Variants in ZNF541 observed in about 807,000 individuals in gnomAD.
The protein encoded by ZNF541 is zinc finger protein 541.
In ZNF541, 23 loss-of-function variants were observed where a neutral mutation model predicts 123.5. The observed-to-expected ratio is 0.19, with a 90% CI of 0.13 to 0.26. The LOEUF is 0.26. ZNF541 is among the 10% of genes least tolerant of loss of function. ZNF541 has a pLI of 1.00. For synonymous variants in ZNF541, 751 were observed against 754.5 expected (o/e 1.00, Z 0.08); for missense variants, 1,612 against 1,789.9 (o/e 0.90, Z 1.79).
At chr19:47,530,796 G>A (rs1053538294) in intron 12 of ZNF541, among the ~76,000 whole-genome samples, 5 of 151,822 alleles carry the variant, frequency 3.3e-5, no homozygotes, top group African/African-American at 7.3e-5. Flanking sequence ...GATTACAGGC[G>A]CCCACCACCA....
chr19:47,556,899 A>G (rs1169318733), intron 2 of ZNF541, among the ~76,000 whole-genome samples: 3 of 151,726 alleles, frequency 2.0e-5, no homozygotes, highest in African/African-American at 4.8e-5. Flanking sequence ...CTGGGACTAC[A>G]GGTGCACGCC....
chr19:47,521,091 T>A lies in ZNF541; in HGVS notation c.*133A>T, dbSNP rs1969001440. The A allele has an allele frequency of 8.6e-7, 1 of 1,159,262 alleles. No homozygotes were observed. The highest frequency in any genetic ancestry group is 1.2e-6 in the Non-Finnish European group (1 of 839,454). The allele number at this position is 1,159,262 out of a possible 1,614,324, so 71.8% of individuals were successfully genotyped here. A position where few individuals can be genotyped will look rare whatever the true frequency, so the allele number is the denominator to read the frequency against. Reference sequence around the variant, plus strand: ...CCTATCTGTGGCCAAATGCCCTCCATGTTTGCAGGCAGGTTGGCCAACAGG... The same window carrying A: ...CCTATCTGTGGCCAAATGCCCTCCAAGTTTGCAGGCAGGTTGGCCAACAGG... On this transcript the variant is annotated 3_prime_UTR_variant, in exon 17 of 17. Transcript: ENST00000391901. The surrounding 1 kb of genome is among the most constrained non-coding windows in gnomAD (Gnocchi z 4.2).
chr19:47,529,499 G>T, intron 13 of ZNF541, 78 bp downstream of exon 13: 7 of 1,427,742 alleles, frequency 4.9e-6, no homozygotes, highest in Non-Finnish European at 6.7e-6. Context: ...GGAGGCAGGG[G>T]CAGAGCTTGC....
chr19:47,524,722 AAAAG>A (rs1969205134), intron 14 of ZNF541, among the ~76,000 whole-genome samples: 1 of 151,762 alleles, frequency 6.6e-6, no homozygotes, highest in African/African-American at 2.4e-5. Flanking sequence ...AAAAAAAAAA[AAAAG>A]AGTTATACCA....
At position 47,533,359 on chromosome 19, in the gene ZNF541, CAAAAAAAAAAAAAAAAAAAA is replaced by C. The variant is rs57243927; in HGVS notation, c.3095-407_3095-388del. ...TGGGCGACAGAGCGAGACTCCATCT[CAAAAAAAAAAAAAAAAAAAA>C]AAAAAAAAAAAAAAAAATCCCATGG... On this transcript the variant is annotated intron_variant, in intron 9 of 16. Coordinates refer to ENST00000391901, the MANE Select transcript of ZNF541 (RefSeq NM_001277075.3). Among the ~76,000 whole-genome samples the C allele has an allele frequency of 9.1e-4, 17 of 18,756 alleles. No individual in the cohort carries two copies. In the South Asian group the frequency reaches 0.052, roughly 57 times the overall value. The allele number at this position is 18,756 out of a possible 152,430, so 12.3% of individuals were successfully genotyped here. A position where few individuals can be genotyped will look rare whatever the true frequency, so the allele number is the denominator to read the frequency against.
chr19:47,533,053 A>C, intron 9 of ZNF541, 81 bp from the exon 10 acceptor site: 1 of 1,344,156 alleles, frequency 7.4e-7, no homozygotes, highest in Non-Finnish European at 1.0e-6. Flanking sequence ...GTGTGGACGC[A>C]GCTGAAAGCA....
chr19:47,568,674 A>AT (rs1217488028), intron 2 of ZNF541, among the ~76,000 whole-genome samples: 2 of 150,452 alleles, frequency 1.3e-5, no homozygotes, highest in South Asian at 2.1e-4. Flanking sequence ...TCCTACTCCA[A>AT]TTTTTTTTGT....
In ZNF541 at chr19:47,538,469, C is replaced by T. The variant is rs1368373326; in HGVS notation, c.2797-30G>A. 2.1e-6 allele frequency: 3 copies of T among 1,461,954 alleles called. No individual in the cohort carries two copies. The African/African-American group carries it at 4.3e-5, about 21-fold the overall frequency. 90.6% of individuals were successfully genotyped at this position (1,461,954 alleles called of 1,614,324 possible). On this transcript the variant is annotated intron_variant, in intron 8 of 16. Transcript: ENST00000391901. Reference sequence around the variant, plus strand: ...AGAAGTTTAGAACCACAGGTGGTCGCCTGAAGCCACCTACTGCACCACTCC... The same window carrying T: ...AGAAGTTTAGAACCACAGGTGGTCGTCTGAAGCCACCTACTGCACCACTCC...
At chr19:47,543,104 C>T (rs528061725) in intron 5 of ZNF541, among the ~76,000 whole-genome samples, 3 of 152,004 alleles carry the variant, frequency 2.0e-5, no homozygotes, top group Non-Finnish European at 4.4e-5. Flanking sequence ...GCGAGACCCC[C>T]TCCATCTCTA....
At chr19:47,550,249 CAAAGAA>C (rs1185125249) in intron 3 of ZNF541, among the ~76,000 whole-genome samples, 4 of 138,756 alleles carry the variant, frequency 2.9e-5, no homozygotes, top group Non-Finnish European at 6.1e-5. Flanking sequence ...GGGACTCTGT[CAAAGAA>C]AAAGAAAAAG....
chr19:47,524,706 T>TAAA (rs1159585510), intron 14 of ZNF541, among the ~76,000 whole-genome samples: 5 of 96,740 alleles, frequency 5.2e-5, no homozygotes, highest in Non-Finnish European at 6.4e-5. Context: ...AGACTCTGTC[T>TAAA]AAAAAAAAAA....
chr19:47,568,080 A>C (rs552813397), intron 2 of ZNF541, among the ~76,000 whole-genome samples: 13 of 152,258 alleles, frequency 8.5e-5, no homozygotes, highest in South Asian at 6.2e-4. Flanking sequence ...CTTGCCTAGC[A>C]CAGAACTTTG....
In ZNF541 at chr19:47,545,777, G is replaced by A; in HGVS notation, c.752C>T (p.Pro251Leu). The A allele has an allele frequency of 6.5e-7, 1 of 1,540,568 alleles. No individual in the cohort carries two copies. The highest frequency in any genetic ancestry group is 1.4e-5 in the African/African-American group (1 of 72,966). The change falls in exon 5 of 17, where the codon CCC becomes CTC. Residue 251 changes from proline to leucine, a missense_variant. Physicochemically the swap from Pro to Leu is moderately conservative, Grantham distance 98 (BLOSUM62 -3). Transcript: ENST00000391901. The surrounding 1 kb of genome is among the most constrained non-coding windows in gnomAD (Gnocchi z 7.5). ...GGGCACCAGGGACCGCAGGCTGCTG[G>A]GGGGCGGCTGGCCGGCCGACTCGTG... Reference protein sequence around the residue: ...HAHESAGQPPPSSLRSLVPPE... With the variant: ...HAHESAGQPPLSSLRSLVPPE...
chr19:47,559,597 C>T (rs556751517), intron 2 of ZNF541, among the ~76,000 whole-genome samples: 1 of 152,194 alleles, frequency 6.6e-6, no homozygotes, highest in Admixed American at 6.5e-5. Flanking sequence ...CGCCTGTAAT[C>T]GCAGCACTTT....
intron 2 of ZNF541, among the ~76,000 whole-genome samples, chr19:47,568,371 G>T (rs1173125858): frequency 6.6e-6 from 1 of 151,990 alleles, no homozygotes; most frequent in African/African-American, 2.4e-5. Context: ...TTGAGACAGG[G>T]TCTTACTCTG....
rs1969036800 is a variant in ZNF541 at position 47,521,663 on chromosome 19, G to A, written c.3712-9C>T. 1.3e-6 allele frequency: 2 copies of A among 1,551,330 alleles called. No homozygotes were observed. Among genetic ancestry groups the A allele is most frequent in the Non-Finnish European group, 1.7e-6 (2 of 1,146,790 alleles). Reference sequence around the variant, plus strand: ...CGAGGGCTGCATGGGACCTGCAGAGGGAGCAAAAGTGACATAAGGGTGCTG... The same window carrying A: ...CGAGGGCTGCATGGGACCTGCAGAGAGAGCAAAAGTGACATAAGGGTGCTG... On this transcript the variant is annotated splice_polypyrimidine_tract_variant and intron_variant, in intron 15 of 16. Transcript: ENST00000391901. The surrounding 1 kb of genome is among the most constrained non-coding windows in gnomAD (Gnocchi z 4.2).
chr19:47,560,631 A>C (rs1971023842), intron 2 of ZNF541, among the ~76,000 whole-genome samples: 1 of 151,692 alleles, frequency 6.6e-6, no homozygotes, highest in Non-Finnish European at 1.5e-5. Context: ...AGCTACACAT[A>C]GTTTTTTTCT....
chr19:47,547,518 G>A (rs1216355728), intron 4 of ZNF541, among the ~76,000 whole-genome samples: 4 of 152,126 alleles, frequency 2.6e-5, no homozygotes, highest in African/African-American at 9.7e-5. Context: ...CTCACCCTCA[G>A]CCTCTGTCTG....
At chr19:47,566,608 T>C (rs549710860) in intron 2 of ZNF541, among the ~76,000 whole-genome samples, 1 of 152,060 alleles carries the variant, frequency 6.6e-6, no homozygotes, top group East Asian at 1.9e-4. Flanking sequence ...TAGCTCGGCA[T>C]AGTGGCACTC....
Sources: gnomAD v4.1 joint callset for allele counts (sites outside exome capture counted in the v4.1 genomes callset) on GRCh38, gnomAD v4.1.1 for gene constraint, Gnocchi (gnomAD v3.1) non-coding constraint, MANE v1.5 for transcripts, NCBI Gene and HGNC (gene_info 2026-07-23, HGNC 2026-07-21) for gene names.